MACROD2: variants seen among roughly 807,000 people sequenced by gnomAD.
MACROD2 encodes the protein mono-ADP ribosylhydrolase 2, also known as ADP-ribose glycohydrolase MACROD2.
A neutral mutation model predicts 70.4 loss-of-function variants in MACROD2; 36 were observed. That is an observed-to-expected ratio of 0.51 (90% confidence interval 0.39 to 0.68). The LOEUF (loss-of-function observed/expected upper bound fraction) is 0.68, where lower values mean the gene tolerates loss of function less well. Among genes scored for constraint, MACROD2 ranks in the 30% least tolerant of loss-of-function variants. The pLI is 0.00. For missense variants in MACROD2, 496 were observed against 538.4 expected, an observed-to-expected ratio of 0.92 and a Z score of 0.78; for synonymous variants, 172 against 178.8, an observed-to-expected ratio of 0.96 and a Z score of 0.30.
At chr20:15,141,424 C>T (rs7271924) in intron 5 of MACROD2, among the ~76,000 whole-genome samples, 86,792 of 148,268 alleles carry the variant, frequency 0.59, 25,641 homozygotes, top group East Asian at 0.63. Flanking sequence ...CATATAGCTA[C>T]GTATCTGCAT....
chr20:14,928,292 A>T (rs929218691), intron 5 of MACROD2, among the ~76,000 whole-genome samples: 22 of 152,328 alleles, frequency 1.4e-4, no homozygotes, highest in African/African-American at 4.8e-4. Context: ...CCAAACACTC[A>T]GAAATATTGA....
intron 4 of MACROD2, among the ~76,000 whole-genome samples, chr20:14,545,911 T>A (rs1190719418): frequency 6.6e-6 from 1 of 152,194 alleles, no homozygotes; most frequent in Non-Finnish European, 1.5e-5. Context: ...ATATATTATT[T>A]TAGCCATGTT....
chr20:14,033,289 C>T (rs574996096), intron 2 of MACROD2, among the ~76,000 whole-genome samples: 24 of 151,900 alleles, frequency 1.6e-4, no homozygotes, highest in Admixed American at 7.9e-4. Flanking sequence ...ATTCCCCTTG[C>T]GATCTGTTTA....
At chr20:14,691,157 A>T (rs2071059203) in intron 5 of MACROD2, among the ~76,000 whole-genome samples, 1 of 152,212 alleles carries the variant, frequency 6.6e-6, no homozygotes, top group East Asian at 1.9e-4. Flanking sequence ...ACCTCAGGTG[A>T]TCCACTGGCC....
chr20:15,926,842 C>A (rs1360395635), intron 10 of MACROD2, among the ~76,000 whole-genome samples: 1 of 152,170 alleles, frequency 6.6e-6, no homozygotes, highest in Non-Finnish European at 1.5e-5. Flanking sequence ...CTCCACCACG[C>A]AGGGTCTTGC....
chr20:14,274,398 A>G (rs1234698161), intron 3 of MACROD2, among the ~76,000 whole-genome samples: 1 of 152,180 alleles, frequency 6.6e-6, no homozygotes, highest in Non-Finnish European at 1.5e-5. Context: ...CAAAAACCAC[A>G]TGATTATCTC....
rs1357648351 is a variant in MACROD2, at chr20:15,626,570, A to G, written c.645+126723A>G. ...GTTATGGAGATTTAGAAAACTGCAA[A>G]TGGGGTGGGCACGCTGGCTCATGCC... On this transcript the variant is annotated intron_variant, in intron 8 of 17. Transcript: ENST00000684519. Among the ~76,000 whole-genome samples the G allele has an allele frequency of 2.6e-5, 4 of 152,292 alleles. No individual in the cohort carries two copies. The South Asian group carries it at 8.3e-4, about 32-fold the overall frequency.
intron 3 of MACROD2, among the ~76,000 whole-genome samples, chr20:14,236,114 T>C (rs1232591607): frequency 6.6e-6 from 1 of 152,148 alleles, no homozygotes; most frequent in Non-Finnish European, 1.5e-5. Flanking sequence ...TATATGTTTT[T>C]TTAAATCTCT....
At chr20:14,878,922 A>G (rs2073580459) in intron 5 of MACROD2, among the ~76,000 whole-genome samples, 1 of 152,014 alleles carries the variant, frequency 6.6e-6, no homozygotes, top group Non-Finnish European at 1.5e-5. Context: ...TTCTACTTGG[A>G]GTACCTATTC....
At chr20:14,318,939 G>T (rs1038822429) in intron 3 of MACROD2, among the ~76,000 whole-genome samples, 4 of 152,124 alleles carry the variant, frequency 2.6e-5, no homozygotes, top group Admixed American at 2.0e-4. Context: ...TTTGCTTGAG[G>T]ATGACCTTTC....
At chr20:15,234,844 CA>C (rs1334157164) in intron 6 of MACROD2, among the ~76,000 whole-genome samples, 1 of 152,002 alleles carries the variant, frequency 6.6e-6, no homozygotes, top group Non-Finnish European at 1.5e-5. Flanking sequence ...TATCACCACG[CA>C]CTGATGGAGA....
At chr20:15,785,847 A>G (rs908996272) in intron 8 of MACROD2, among the ~76,000 whole-genome samples, 1 of 152,310 alleles carries the variant, frequency 6.6e-6, no homozygotes, top group East Asian at 1.9e-4. Context: ...AGTTGAAAAA[A>G]TAAGAGAAAT....
At chr20:15,325,775 G>A (rs1476571531) in intron 6 of MACROD2, among the ~76,000 whole-genome samples, 1 of 152,140 alleles carries the variant, frequency 6.6e-6, no homozygotes, top group African/African-American at 2.4e-5. Flanking sequence ...ACATATGGTG[G>A]CCTTCCCAAA....
At chr20:14,288,072 C>A (rs1568539395) in intron 3 of MACROD2, among the ~76,000 whole-genome samples, 1 of 151,914 alleles carries the variant, frequency 6.6e-6, no homozygotes, top group Non-Finnish European at 1.5e-5. Flanking sequence ...CAAGGTGTGA[C>A]CACAGGGAGG....
chr20:15,757,987 T>A (rs560918273), intron 8 of MACROD2, among the ~76,000 whole-genome samples: 57 of 152,328 alleles, frequency 3.7e-4, no homozygotes, highest in African/African-American at 1.3e-3. Flanking sequence ...TCCCAAACCA[T>A]GCCCACAAAA....
At chr20:14,511,560 A>G (rs2085030219) in intron 4 of MACROD2, among the ~76,000 whole-genome samples, 1 of 150,562 alleles carries the variant, frequency 6.6e-6, no homozygotes, top group South Asian at 2.1e-4. Context: ...AACAACCTAA[A>G]ATATTTCTTT....
chr20:14,545,869 A>G (rs1329351570), intron 4 of MACROD2, among the ~76,000 whole-genome samples: 1 of 152,294 alleles, frequency 6.6e-6, no homozygotes, highest in African/African-American at 2.4e-5. Flanking sequence ...ATTTACATAT[A>G]TGGGTATAGA....
At chr20:14,228,422 C>T (rs939532067) in intron 3 of MACROD2, among the ~76,000 whole-genome samples, 13 of 151,294 alleles carry the variant, frequency 8.6e-5, no homozygotes, top group African/African-American at 2.7e-4. Context: ...ACTGCAAGCT[C>T]CATCTCCCGG....
At chr20:14,768,982 C>A (rs920725395) in intron 5 of MACROD2, among the ~76,000 whole-genome samples, 3 of 151,998 alleles carry the variant, frequency 2.0e-5, no homozygotes, top group South Asian at 2.1e-4. Flanking sequence ...TTGATTGAGA[C>A]CAGGAGACAG....
Sources: allele counts gnomAD v4.1 joint callset (sites outside exome capture counted in the v4.1 genomes callset), GRCh38; gene constraint gnomAD v4.1.1; transcripts MANE v1.5; gene names NCBI Gene and HGNC (gene_info 2026-07-23, HGNC 2026-07-21).